The following NTM variants were observed in gnomAD, a reference collection of about 807,000 sequenced individuals.
The protein encoded by NTM is neurotrimin, also known as IgLON family member 2.
A neutral mutation model predicts 42.1 loss-of-function variants in NTM; 13 were observed. The observed-to-expected ratio is 0.31, with a 90% CI of 0.20 to 0.49. The LOEUF is 0.49. Ranked by LOEUF, NTM falls within the 20% of genes least tolerant of loss-of-function variation. NTM has a pLI of 0.99. For missense variants in NTM, 373 were observed against 452.8 expected, an observed-to-expected ratio of 0.82 and a Z score of 1.60; for synonymous variants, 187 against 179.2, an observed-to-expected ratio of 1.04 and a Z score of -0.35.
chr11:131,515,800 T>C (rs893173745), intron 1 of NTM, among the ~76,000 whole-genome samples: 1 of 152,142 alleles, frequency 6.6e-6, no homozygotes, highest in Non-Finnish European at 1.5e-5. Context: ...TTCAGGGAGA[T>C]TGCACATACA....
At chr11:131,821,711 T>C (rs750349688) in intron 1 of NTM, among the ~76,000 whole-genome samples, 11 of 152,066 alleles carry the variant, frequency 7.2e-5, no homozygotes, top group Admixed American at 1.3e-4. Context: ...TGGCGTGAGG[T>C]GGAGGAAGGG....
intron 1 of NTM, among the ~76,000 whole-genome samples, chr11:131,428,707 A>G (rs564059155): frequency 1.3e-5 from 2 of 152,244 alleles, no homozygotes; most frequent in African/African-American, 4.8e-5. Context: ...AGAGCCTCAA[A>G]AAAACCTGGC....
intron 1 of NTM, among the ~76,000 whole-genome samples, chr11:131,400,979 C>CCACA (rs56256717): frequency 1.4e-4 from 20 of 141,708 alleles, no homozygotes; most frequent in East Asian, 1.2e-3. Flanking sequence ...CTGCCACCTG[C>CCACA]CACACACACA....
In NTM at chr11:131,889,299, GAAGT is replaced by G. The variant is rs1273728361; in HGVS notation, c.83-22260_83-22257del. Among the ~76,000 whole-genome samples, 3 of 152,284 alleles carry G rather than the reference GAAGT, an allele frequency of 2.0e-5. No individual in the cohort carries two copies. The East Asian group carries it at 5.8e-4, about 29-fold the overall frequency. Reference sequence around the variant, plus strand: ...CAGATTCCACTTCAGCTCCCAGATTGAAGTAAGTCTCACAGCCTCCTTCCTTTTA... The same window carrying G: ...CAGATTCCACTTCAGCTCCCAGATTGAAGTCTCACAGCCTCCTTCCTTTTA... On this transcript the variant is annotated intron_variant, in intron 1 of 8. Coordinates refer to ENST00000683400, the MANE Select transcript of NTM (RefSeq NM_001352005.2).
chr11:131,543,934 C>T (rs1015841386), intron 1 of NTM, among the ~76,000 whole-genome samples: 2 of 152,204 alleles, frequency 1.3e-5, no homozygotes, highest in African/African-American at 4.8e-5. Flanking sequence ...GGCCACAGCT[C>T]CTGCGTGTTA....
chr11:132,321,070 TG>T (rs201247804), intron 7 of NTM, among the ~76,000 whole-genome samples: 1 of 151,414 alleles, frequency 6.6e-6, no homozygotes, highest in African/African-American at 2.4e-5. Flanking sequence ...ACCACAAAGA[TG>T]GGGAAAAAAC....
chr11:131,924,549 AG>A (rs1285221385), intron 2 of NTM, among the ~76,000 whole-genome samples: 2 of 152,178 alleles, frequency 1.3e-5, no homozygotes, highest in Admixed American at 6.5e-5. Context: ...AGCTCTGTGT[AG>A]GTTGGCCCAG....
At chr11:131,655,486 A>G (rs1233320454) in intron 1 of NTM, among the ~76,000 whole-genome samples, 1 of 152,228 alleles carries the variant, frequency 6.6e-6, no homozygotes, top group Non-Finnish European at 1.5e-5. Flanking sequence ...AACAACCTCC[A>G]GGGCTTCCAG....
chr11:132,327,567 T>G (rs1187831411), intron 7 of NTM, among the ~76,000 whole-genome samples: 1 of 152,172 alleles, frequency 6.6e-6, no homozygotes, highest in Non-Finnish European at 1.5e-5. Context: ...CTAGAAGGTT[T>G]GTATATCCGT....
At chr11:131,819,455 C>CTCATTCAT (rs779832138) in intron 1 of NTM, among the ~76,000 whole-genome samples, 1 of 152,162 alleles carries the variant, frequency 6.6e-6, no homozygotes, top group East Asian at 1.9e-4. Flanking sequence ...CACTCATTCA[C>CTCATTCAT]TCATTCATTC....
At chr11:132,043,864 G>T (rs1489569188) in intron 2 of NTM, among the ~76,000 whole-genome samples, 4 of 152,216 alleles carry the variant, frequency 2.6e-5, no homozygotes, top group African/African-American at 7.2e-5. Flanking sequence ...ATGTCACTTT[G>T]TCCTGAGAAC....
At position 131,797,591 on chromosome 11, in the gene NTM, A is replaced by G. The variant is rs56271906; in HGVS notation, c.83-113973A>G. Among the ~76,000 whole-genome samples, 431 of 152,358 alleles carry G rather than the reference A, an allele frequency of 2.8e-3. 5 individuals are homozygous for G. The highest frequency in any genetic ancestry group is 9.8e-3 in the African/African-American group (408 of 41,582). ...TGTTCTTTTGCTGATGAAGGCAAGA[A>G]TCCCTCAAATATTGAAAAGTAATCA... On this transcript the variant is annotated intron_variant, in intron 1 of 8. Transcript: ENST00000683400.
At chr11:132,203,965 C>A (rs1351479485) in intron 3 of NTM, among the ~76,000 whole-genome samples, 1 of 152,076 alleles carries the variant, frequency 6.6e-6, no homozygotes, top group Non-Finnish European at 1.5e-5. Flanking sequence ...TGTCCTTGAA[C>A]AAGTTCCTTG....
chr11:131,845,912 A>G (rs2044845582), intron 1 of NTM, among the ~76,000 whole-genome samples: 1 of 152,176 alleles, frequency 6.6e-6, no homozygotes, highest in African/African-American at 2.4e-5. Context: ...AGTTCTAGAT[A>G]AATAAGTGAT....
chr11:131,439,278 G>A (rs1460754195), intron 1 of NTM, among the ~76,000 whole-genome samples: 1 of 152,212 alleles, frequency 6.6e-6, no homozygotes, highest in African/African-American at 2.4e-5. Context: ...CTCACTTGGG[G>A]AGGCAGTCTG....
intron 1 of NTM, among the ~76,000 whole-genome samples, chr11:131,744,956 C>A (rs1019201932): frequency 6.6e-6 from 1 of 152,198 alleles, no homozygotes; most frequent in African/African-American, 2.4e-5. Flanking sequence ...ACCTCCTGGG[C>A]AAATGCAAGC....
At chr11:131,818,503 A>G (rs10894453) in intron 1 of NTM, among the ~76,000 whole-genome samples, 65,455 of 151,950 alleles carry the variant, frequency 0.43, 16,372 homozygotes, top group Admixed American at 0.6. Flanking sequence ...GAAACCATTA[A>G]TCACCGTTCA....
chr11:132,207,908 T>C (rs2082228526), intron 3 of NTM, among the ~76,000 whole-genome samples: 1 of 152,202 alleles, frequency 6.6e-6, no homozygotes. Context: ...TCACCATACA[T>C]TAGAATATTA....
intron 2 of NTM, among the ~76,000 whole-genome samples, chr11:131,942,822 T>C (rs2059942254): frequency 6.6e-6 from 1 of 151,900 alleles, no homozygotes; most frequent in African/African-American, 2.4e-5. Context: ...GACACGTGTC[T>C]GTAACCCCAG....
Sources: allele counts gnomAD v4.1 joint callset (sites outside exome capture counted in the v4.1 genomes callset), GRCh38; gene constraint gnomAD v4.1.1; transcripts MANE v1.5; gene names NCBI Gene and HGNC (gene_info 2026-07-23, HGNC 2026-07-21).